BNIP2: variants seen among roughly 807,000 people sequenced by gnomAD.
BNIP2 encodes BCL2 interacting protein 2.
A neutral mutation model predicts 43.4 loss-of-function variants in BNIP2; 36 were observed. The ratio of observed to expected loss-of-function variants is 0.83; its 90% CI spans 0.64 to 1.10. BNIP2 has a LOEUF of 1.10. Among genes scored for constraint, BNIP2 ranks in the 50% least tolerant of loss-of-function variants. The pLI is 0.00. For missense variants in BNIP2, 417 were observed against 374.1 expected (o/e 1.11, Z -0.95); for synonymous variants, 146 against 121.0 (o/e 1.21, Z -1.35).
At chr15:59,676,047 T>C (rs565589926) in intron 5 of BNIP2, among the ~76,000 whole-genome samples, 1 of 152,332 alleles carries the variant, frequency 6.6e-6, no homozygotes, top group South Asian at 2.1e-4. Context: ...TGGGTATATA[T>C]GGTTATATAG....
At chr15:59,688,982 G>C (rs1204310760) in intron 1 of BNIP2, 153 bp downstream of exon 1, 11 of 1,442,472 alleles carry the variant, frequency 7.6e-6, no homozygotes, top group African/African-American at 5.7e-5. Flanking sequence ...AGCACCTCCC[G>C]AGCAGGTTCT....
At position 59,669,345 on chromosome 15, in the gene BNIP2, T is replaced by C. The variant is rs761846020; in HGVS notation, c.725A>G (p.Lys242Arg). ...AGAAGGATGTACAATGATTAGGGAT[T>C]TTAGATTTTTCCGTAACCTGGAGTT... ...QIDRRLRKNLKSLIIVHPSWF... is the reference protein window; with the variant it reads ...QIDRRLRKNLRSLIIVHPSWF... The change falls in exon 8 of 10, where the codon AAA (lysine) becomes AGA (arginine). Residue 242 changes from lysine (K) to arginine (R), a missense_variant. Lys to Arg is a conservative substitution (Grantham distance 26). Coordinates refer to ENST00000607373, the MANE Select transcript of BNIP2 (RefSeq NM_004330.4). 1 of 1,527,528 alleles carries C rather than the reference T, an allele frequency of 6.5e-7. No homozygotes were observed. The highest frequency in any genetic ancestry group is 2.4e-5 in the East Asian group (1 of 42,216). 94.6% of individuals were successfully genotyped at this position (1,527,528 alleles called of 1,614,324 possible). A position where few individuals can be genotyped will look rare whatever the true frequency, so the allele number is the denominator to read the frequency against.
intron 1 of BNIP2, 62 bp from the exon 2 acceptor site, chr15:59,682,576 G>GT (rs1197080820): frequency 6.9e-6 from 9 of 1,307,740 alleles, no homozygotes; most frequent in Non-Finnish European, 9.6e-6. Context: ...CTGAAAAGGC[G>GT]TAATAATCTT....
chr15:59,678,388 A>G, intron 4 of BNIP2: 2 of 1,100,698 alleles, frequency 1.8e-6, no homozygotes, highest in Non-Finnish European at 2.2e-6. Flanking sequence ...ATCTTAGTAC[A>G]CTGGCCTTAC....
chr15:59,662,050 T>G lies in BNIP2; in HGVS notation c.*2019A>C, dbSNP rs1467976318. 1 of 152,214 alleles carries G rather than the reference T, an allele frequency of 6.6e-6. No homozygotes were observed. Among genetic ancestry groups the G allele is most frequent in the African/African-American group, 2.4e-5 (1 of 41,462 alleles). The allele number at this position is 152,214 out of a possible 1,614,324, so 9.4% of individuals were successfully genotyped here. ...TCAGAAAAACATCACTTTTGCAACA[T>G]GTATCTACAGTTAGGAGCAATGACT... On this transcript the variant is annotated 3_prime_UTR_variant, in exon 10 of 10. Coordinates refer to ENST00000607373, the MANE Select transcript of BNIP2 (RefSeq NM_004330.4).
In BNIP2 at chr15:59,669,380, A is replaced by AAAC; in HGVS notation, c.708-19_708-18insGTT. 2 of 1,389,310 alleles carry AAAC rather than the reference A, an allele frequency of 1.4e-6. No homozygotes were observed. Among genetic ancestry groups the AAAC allele is most frequent in the Non-Finnish European group, 2.0e-6 (2 of 1,025,168 alleles). The allele number at this position is 1,389,310 out of a possible 1,614,324, so 86.1% of individuals were successfully genotyped here. On this transcript the variant is annotated intron_variant, in intron 7 of 9. Transcript: ENST00000607373. ...TCCGTAACCTGGAGTTTAAAAAAAA[A>AAAC]ACACACACACACAAAGAAAATTAAA...
chr15:59,679,529 T>A, intron 4 of BNIP2, 63 bp downstream of exon 4: 1 of 1,470,490 alleles, frequency 6.8e-7, no homozygotes, highest in Non-Finnish European at 9.2e-7. Flanking sequence ...AAGAATGATG[T>A]ATTTCAAACA....
At chr15:59,667,990 A>T in intron 9 of BNIP2, 1 of 644,774 alleles carries the variant, frequency 1.6e-6, no homozygotes, top group Non-Finnish European at 2.3e-6. Context: ...GGGTACATTT[A>T]TATTTGCAAA....
rs1460953391 is a variant in BNIP2, at chr15:59,663,847, G to A, written c.*222C>T. The A allele has an allele frequency of 1.1e-5, 4 of 360,752 alleles. No individual in the cohort carries two copies. Among genetic ancestry groups the A allele is most frequent in the Non-Finnish European group, 2.0e-5 (4 of 202,982 alleles). The allele number at this position is 360,752 out of a possible 1,614,324, so 22.3% of individuals were successfully genotyped here. Reference sequence around the variant, plus strand: ...TATTTAGCAATATAAAATATAAAACGATAATAATACAGTTAGCTATTAAAG... The same window carrying A: ...TATTTAGCAATATAAAATATAAAACAATAATAATACAGTTAGCTATTAAAG... On this transcript the variant is annotated 3_prime_UTR_variant, in exon 10 of 10. Coordinates refer to ENST00000607373, the MANE Select transcript of BNIP2 (RefSeq NM_004330.4).
chr15:59,672,713 T>C lies in BNIP2; in HGVS notation c.499A>G (p.Ile167Val). The C allele has an allele frequency of 6.2e-7, 1 of 1,613,786 alleles. No homozygotes were observed. The change falls in exon 6 of 10, where the codon ATT becomes GTT. Residue 167 changes from isoleucine to valine, a missense_variant. Ile to Val is a conservative substitution (Grantham distance 29). Transcript: ENST00000607373. ...ATGAAACAGACAGCAAACACAACAATGGCATTTAATCCATCCCCATAATAT... is the reference window on the plus strand; with the variant it reads ...ATGAAACAGACAGCAAACACAACAACGGCATTTAATCCATCCCCATAATAT... ...GGYYGDGLNAIVVFAVCFMPE... is the reference protein window; with the variant it reads ...GGYYGDGLNAVVVFAVCFMPE...
chr15:59,668,749 T>C (rs1005599430), intron 9 of BNIP2, 143 bp downstream of exon 9: 8 of 638,554 alleles, frequency 1.3e-5, no homozygotes, highest in Admixed American at 8.1e-5. Context: ...CTTCCTCTTT[T>C]TCTTTGTTAC....
At chr15:59,675,953 G>C (rs1364870056) in intron 5 of BNIP2, among the ~76,000 whole-genome samples, 1 of 152,204 alleles carries the variant, frequency 6.6e-6, no homozygotes, top group African/African-American at 2.4e-5. Context: ...CCGAAGCTGA[G>C]TATTCATTGC....
rs1892427725 is a variant in BNIP2, at chr15:59,664,165, A to T, written c.894-45T>A. 3 of 1,281,634 alleles carry T rather than the reference A, an allele frequency of 2.3e-6. No individual in the cohort carries two copies. The African/African-American group carries it at 4.5e-5, about 19-fold the overall frequency. The allele number at this position is 1,281,634 out of a possible 1,614,324, so 79.4% of individuals were successfully genotyped here. A position where few individuals can be genotyped will look rare whatever the true frequency, so the allele number is the denominator to read the frequency against. On this transcript the variant is annotated intron_variant, in intron 9 of 9. Coordinates refer to ENST00000607373, the MANE Select transcript of BNIP2 (RefSeq NM_004330.4). ...TAAAATAAGAAACCAGCAACTGAAC[A>T]ATTTTCTTTCTAAAAATAATGACTA...
At chr15:59,669,685 T>C (rs533450397) in intron 7 of BNIP2, among the ~76,000 whole-genome samples, 44 of 152,338 alleles carry the variant, frequency 2.9e-4, no homozygotes, top group African/African-American at 1.1e-3. Flanking sequence ...AAGTAAACTA[T>C]TCTCATTTTC....
rs1335988738 is a variant in BNIP2, at chr15:59,689,275, G to A, written c.-198C>T. The A allele has an allele frequency of 3.9e-6, 6 of 1,545,778 alleles. No individual in the cohort carries two copies. The highest frequency in any genetic ancestry group is 2.0e-5 in the Admixed American group (1 of 50,958). On this transcript the variant is annotated 5_prime_UTR_variant, in exon 1 of 10. Coordinates refer to ENST00000607373, the MANE Select transcript of BNIP2 (RefSeq NM_004330.4). ...GTGGAGACCCCGGCCCAATCCCCCG[G>A]CCGCAGCGGTACGGCGTCGGCGGCA...
intron 6 of BNIP2, among the ~76,000 whole-genome samples, chr15:59,671,906 T>C (rs1892955531): frequency 6.6e-6 from 1 of 152,090 alleles, no homozygotes; most frequent in Non-Finnish European, 1.5e-5. Flanking sequence ...TGAGACTCTG[T>C]CTCTACCAAA....
At chr15:59,680,170 G>A in intron 3 of BNIP2, 71 bp downstream of exon 3, 1 of 1,129,026 alleles carries the variant, frequency 8.9e-7, no homozygotes, top group Non-Finnish European at 1.2e-6. Flanking sequence ...TTTTTTTTTG[G>A]ACAAAGAAAC....
chr15:59,678,864 A>C (rs1484313982), intron 4 of BNIP2: 1 of 1,302,442 alleles, frequency 7.7e-7, no homozygotes, highest in African/African-American at 1.5e-5. Context: ...AGAAGAGACA[A>C]AACACATAGG....
chr15:59,667,691 C>T (rs1365211397), intron 9 of BNIP2, among the ~76,000 whole-genome samples: 1 of 152,116 alleles, frequency 6.6e-6, no homozygotes, highest in Admixed American at 6.5e-5. Context: ...TAATCAACCC[C>T]AGGGAAATAA....
Sources: allele counts gnomAD v4.1 joint callset (sites outside exome capture counted in the v4.1 genomes callset), GRCh38; gene constraint gnomAD v4.1.1; transcripts MANE v1.5; gene names NCBI Gene and HGNC (gene_info 2026-07-23, HGNC 2026-07-21).